Variants in GRAMD2B observed in about 807,000 individuals in gnomAD.
GRAMD2B encodes the protein GRAM domain containing 2B.
Under a neutral mutation model 59.2 loss-of-function variants are expected in GRAMD2B, and 41 were observed. The ratio of observed to expected loss-of-function variants is 0.69; its 90% CI spans 0.54 to 0.90. The LOEUF (loss-of-function observed/expected upper bound fraction) is 0.90, where lower values mean the gene tolerates loss of function less well. GRAMD2B is among the 40% of genes least tolerant of loss of function. The pLI is 0.00. For synonymous variants in GRAMD2B, 161 were observed against 182.7 expected, an observed-to-expected ratio of 0.88 and a Z score of 0.96; for missense variants, 424 against 500.5, an observed-to-expected ratio of 0.85 and a Z score of 1.46.
chr5:126,481,455 T>C (rs577228255), intron 8 of GRAMD2B, among the ~76,000 whole-genome samples: 1 of 152,228 alleles, frequency 6.6e-6, no homozygotes, highest in East Asian at 1.9e-4. Context: ...AGTGAAGCAA[T>C]ATGAGCCCAT....
chr5:126,432,715 C>T (rs79539291), intron 1 of GRAMD2B, among the ~76,000 whole-genome samples: 2,447 of 152,260 alleles, frequency 0.016, 58 homozygotes, highest in African/African-American at 0.056. Flanking sequence ...GCTCTCCCTT[C>T]CTCCCTTAAT....
intron 6 of GRAMD2B, among the ~76,000 whole-genome samples, chr5:126,478,036 A>C (rs1770964084): frequency 6.6e-6 from 1 of 151,634 alleles, no homozygotes; most frequent in South Asian, 2.1e-4. Flanking sequence ...TGCTGACTTA[A>C]TTATACTTGC....
At chr5:126,429,651 A>G (rs1007068980) in intron 1 of GRAMD2B, among the ~76,000 whole-genome samples, 1 of 152,074 alleles carries the variant, frequency 6.6e-6, no homozygotes. Flanking sequence ...GGGACATGCT[A>G]TGGGGTGGAG....
chr5:126,402,320 T>C (rs78316767), intron 1 of GRAMD2B, among the ~76,000 whole-genome samples: 2,081 of 152,208 alleles, frequency 0.014, 50 homozygotes, highest in African/African-American at 0.047. Flanking sequence ...GCAGAAAGCC[T>C]GGCTTACTAA....
At chr5:126,491,331 C>T (rs1006658546) in intron 13 of GRAMD2B, among the ~76,000 whole-genome samples, 4 of 152,126 alleles carry the variant, frequency 2.6e-5, no homozygotes, top group Non-Finnish European at 4.4e-5. Flanking sequence ...ATGTCTCTTA[C>T]GGGAACTGAA....
intron 11 of GRAMD2B, 127 bp downstream of exon 11, chr5:126,485,900 T>C: frequency 1.7e-6 from 1 of 598,524 alleles, no homozygotes; most frequent in Non-Finnish European, 2.8e-6. Context: ...ATCTTTACTT[T>C]GACAATTTCT....
intron 1 of GRAMD2B, among the ~76,000 whole-genome samples, chr5:126,462,806 C>G (rs1366588655): frequency 6.6e-6 from 1 of 152,112 alleles, no homozygotes; most frequent in African/African-American, 2.4e-5. Context: ...GAGGATGTGT[C>G]CCCTGGCTAG....
intron 5 of GRAMD2B, among the ~76,000 whole-genome samples, chr5:126,475,058 G>A (rs1024131990): frequency 5.3e-5 from 8 of 152,118 alleles, no homozygotes; most frequent in Non-Finnish European, 8.8e-5. Flanking sequence ...GCTCTACAAC[G>A]GGAACTTTCC....
chr5:126,398,616 T>C (rs1757568661), intron 1 of GRAMD2B, among the ~76,000 whole-genome samples: 1 of 152,146 alleles, frequency 6.6e-6, no homozygotes, highest in Non-Finnish European at 1.5e-5. Context: ...CTAATCTTTA[T>C]GATTTCCTTC....
At chr5:126,441,405 G>A (rs1763270120) in intron 1 of GRAMD2B, among the ~76,000 whole-genome samples, 1 of 152,198 alleles carries the variant, frequency 6.6e-6, no homozygotes, top group Non-Finnish European at 1.5e-5. Flanking sequence ...GCGCTGCAGA[G>A]GAAAGCAGGC....
intron 1 of GRAMD2B, among the ~76,000 whole-genome samples, chr5:126,439,914 G>T (rs1474671307): frequency 6.6e-6 from 1 of 152,028 alleles, no homozygotes; most frequent in African/African-American, 2.4e-5. Context: ...CCCTGCACAC[G>T]CTCTCTTGTC....
intron 5 of GRAMD2B, among the ~76,000 whole-genome samples, chr5:126,476,898 C>T (rs1468474298): frequency 2.0e-5 from 3 of 152,108 alleles, no homozygotes; most frequent in Non-Finnish European, 4.4e-5. Context: ...CACAGAAAAT[C>T]CTGAGAAGCA....
chr5:126,483,989 C>T (rs150371920), intron 9 of GRAMD2B, among the ~76,000 whole-genome samples: 3 of 152,158 alleles, frequency 2.0e-5, no homozygotes, highest in East Asian at 1.9e-4. Flanking sequence ...CCATCAAGCC[C>T]GGCTAATTTT....
upstream of GRAMD2B, among the ~76,000 whole-genome samples, chr5:126,367,976 C>T (rs948150917): frequency 6.6e-6 from 1 of 152,166 alleles, no homozygotes; most frequent in African/African-American, 2.4e-5. Context: ...TGGTTTCGAT[C>T]TCCTGACCTC....
At chr5:126,375,681 T>A (rs1755125495) in intron 1 of GRAMD2B, among the ~76,000 whole-genome samples, 1 of 152,174 alleles carries the variant, frequency 6.6e-6, no homozygotes, top group South Asian at 2.1e-4. Context: ...CTCCTTTAAA[T>A]CTTCTTTTGC....
chr5:126,371,984 C>A (rs1257998564), intron 1 of GRAMD2B, among the ~76,000 whole-genome samples: 1 of 152,014 alleles, frequency 6.6e-6, no homozygotes, highest in Non-Finnish European at 1.5e-5. Flanking sequence ...TAATTGCCTT[C>A]TTTTTGCCTT....
At chr5:126,486,721 G>A in intron 11 of GRAMD2B, 152 bp from the exon 12 acceptor site, 1 of 591,450 alleles carries the variant, frequency 1.7e-6, no homozygotes. Context: ...ACAAGCATCA[G>A]CCTGTTTAAA....
At chr5:126,362,866 TA>T (rs757095443) in intron 1 of GRAMD2B, among the ~76,000 whole-genome samples, 27 of 152,096 alleles carry the variant, frequency 1.8e-4, no homozygotes, top group Non-Finnish European at 1.3e-4. Flanking sequence ...GCTAAAACTA[TA>T]AAAATCTTAA....
chr5:126,409,081 G>A (rs1053665522), intron 1 of GRAMD2B, among the ~76,000 whole-genome samples: 7 of 151,542 alleles, frequency 4.6e-5, no homozygotes, highest in African/African-American at 1.7e-4. Context: ...TCTTAATCCA[G>A]TCTATCATTG....
Sources: allele counts gnomAD v4.1 joint callset (sites outside exome capture counted in the v4.1 genomes callset), GRCh38; gene constraint gnomAD v4.1.1; transcripts MANE v1.5; gene names NCBI Gene and HGNC (gene_info 2026-07-23, HGNC 2026-07-21).